DHRS7B: variants seen among roughly 807,000 people sequenced by gnomAD.
The protein encoded by DHRS7B is dehydrogenase/reductase 7B.
In DHRS7B, 24 loss-of-function variants were observed where a neutral mutation model predicts 26.4. The ratio of observed to expected loss-of-function variants is 0.91; its 90% confidence interval spans 0.66 to 1.28. The LOEUF (loss-of-function observed/expected upper bound fraction) is 1.28, where lower values mean the gene tolerates loss of function less well. DHRS7B is among the 50% of genes most tolerant of loss of function. DHRS7B has a pLI of 0.00. For missense variants in DHRS7B, 368 were observed against 419.4 expected (o/e 0.88, Z 1.07); for synonymous variants, 142 against 166.4 (o/e 0.85, Z 1.13).
chr17:21,191,156 C>T lies in DHRS7B; in HGVS notation c.*3C>T. 1 of 1,613,084 alleles carries T rather than the reference C, an allele frequency of 6.2e-7. No individual in the cohort carries two copies. On this transcript the variant is annotated 3_prime_UTR_variant, in exon 7 of 7. Coordinates refer to ENST00000395511, the MANE Select transcript of DHRS7B (RefSeq NM_015510.5). ...AGCGGAAATCCAAGAACTCCTAGTA[C>T]TCTGACCAGCCAGGGCCAGGGCAGA...
intron 1 of DHRS7B, among the ~76,000 whole-genome samples, chr17:21,145,121 G>A (rs535786329): frequency 1.3e-5 from 2 of 152,052 alleles, no homozygotes; most frequent in South Asian, 2.1e-4. Flanking sequence ...TCAGGAGATT[G>A]AGACCATCCT....
At chr17:21,141,079 T>TGATC (rs1191226768) in intron 1 of DHRS7B, among the ~76,000 whole-genome samples, 1 of 152,010 alleles carries the variant, frequency 6.6e-6, no homozygotes, top group Non-Finnish European at 1.5e-5. Context: ...GAACACTGGG[T>TGATC]GATCAGTCCT....
chr17:21,158,426 G>A (rs1482860296), intron 1 of DHRS7B, among the ~76,000 whole-genome samples: 1 of 152,130 alleles, frequency 6.6e-6, no homozygotes, highest in Non-Finnish European at 1.5e-5. Flanking sequence ...CAGGATACAA[G>A]GTTAATGTAT....
chr17:21,174,743 T>C (rs1019815466), intron 2 of DHRS7B, among the ~76,000 whole-genome samples: 1 of 152,216 alleles, frequency 6.6e-6, no homozygotes, highest in African/African-American at 2.4e-5. Flanking sequence ...AAATGTCCTA[T>C]GTATTGGTCA....
intron 1 of DHRS7B, among the ~76,000 whole-genome samples, chr17:21,160,509 T>G (rs948485942): frequency 6.6e-5 from 10 of 152,176 alleles, no homozygotes; most frequent in Non-Finnish European, 1.3e-4. Context: ...GAAATGCAAA[T>G]TAAAATGACA....
At chr17:21,173,353 C>T (rs562794333) in intron 2 of DHRS7B, among the ~76,000 whole-genome samples, 2 of 152,332 alleles carry the variant, frequency 1.3e-5, no homozygotes, top group South Asian at 4.1e-4. Context: ...CTAGGACTTC[C>T]AGCCAGAAGG....
chr17:21,177,250 C>T (rs911783114), intron 2 of DHRS7B, among the ~76,000 whole-genome samples: 4 of 152,154 alleles, frequency 2.6e-5, no homozygotes, highest in African/African-American at 7.2e-5. Context: ...CACCCAGGCA[C>T]GTGAGAGCAC....
intron 1 of DHRS7B, among the ~76,000 whole-genome samples, chr17:21,131,158 A>G (rs1194022179): frequency 3.3e-5 from 5 of 152,272 alleles, no homozygotes; most frequent in Non-Finnish European, 4.4e-5. Context: ...AGGCCAATCC[A>G]TAGAGAAAAG....
intron 2 of DHRS7B, among the ~76,000 whole-genome samples, chr17:21,174,137 G>C (rs1475973432): frequency 2.6e-5 from 4 of 152,248 alleles, no homozygotes; most frequent in Admixed American, 6.5e-5. Flanking sequence ...AGCCACTGTT[G>C]ATGCCACCAA....
At position 21,188,821 on chromosome 17, in the gene DHRS7B, C is replaced by T. The variant is rs757923245; in HGVS notation, c.730C>T (p.Leu244Phe). Residue 244 changes from leucine to phenylalanine, a missense_variant, in exon 6 of 7, where the codon CTC becomes TTC. Coordinates refer to ENST00000395511, the MANE Select transcript of DHRS7B (RefSeq NM_015510.5). ...CAGCCCCGGCTACATCCACACCAACCTCTCTGTAAATGCCATCACCGCGGA... is the reference window on the plus strand; with the variant it reads ...CAGCCCCGGCTACATCCACACCAACTTCTCTGTAAATGCCATCACCGCGGA... ...VISPGYIHTNLSVNAITADGS... is the reference protein window; with the variant it reads ...VISPGYIHTNFSVNAITADGS... The T allele has an allele frequency of 5.6e-6, 9 of 1,614,188 alleles. No homozygotes were observed. Among genetic ancestry groups the T allele is most frequent in the Non-Finnish European group, 7.6e-6 (9 of 1,180,030 alleles).
At chr17:21,165,092 C>T (rs1250602277) in intron 1 of DHRS7B, among the ~76,000 whole-genome samples, 2 of 152,188 alleles carry the variant, frequency 1.3e-5, no homozygotes, top group East Asian at 3.8e-4. Flanking sequence ...GAGCGATCAT[C>T]CCCATTCTGA....
At chr17:21,134,310 A>T (rs947705795) in intron 1 of DHRS7B, among the ~76,000 whole-genome samples, 4 of 152,116 alleles carry the variant, frequency 2.6e-5, no homozygotes, top group African/African-American at 9.7e-5. Context: ...ACACTTTTAA[A>T]TTGCTTTGAT....
intron 1 of DHRS7B, among the ~76,000 whole-genome samples, chr17:21,168,000 G>A (rs1245539922): frequency 6.6e-6 from 1 of 152,164 alleles, no homozygotes; most frequent in African/African-American, 2.4e-5. Context: ...CTTCCACTGT[G>A]AAGCTGTCCT....
chr17:21,178,311 T>A lies in DHRS7B; in HGVS notation c.278T>A (p.Ile93Asn). Residue 93 changes from isoleucine to asparagine, a missense_variant, in exon 3 of 7, where the codon ATC becomes AAC. Ile to Asn is a moderately radical substitution (Grantham distance 149). Coordinates refer to ENST00000395511, the MANE Select transcript of DHRS7B (RefSeq NM_015510.5). The part of the protein sequence containing the change: ...GRNGGALEEL[I>N]RELTASHATK... ...AATGGTGGGGCCCTAGAAGAGCTCATCAGAGAACTCACCGCTTCTCATGCC... is the reference window on the plus strand; with the variant it reads ...AATGGTGGGGCCCTAGAAGAGCTCAACAGAGAACTCACCGCTTCTCATGCC... 1 of 1,614,136 alleles carries A rather than the reference T, an allele frequency of 6.2e-7. No homozygotes were observed. The highest frequency in any genetic ancestry group is 8.5e-7 in the Non-Finnish European group (1 of 1,180,036).
intron 1 of DHRS7B, among the ~76,000 whole-genome samples, chr17:21,130,797 A>C (rs781111079): frequency 2.0e-5 from 3 of 152,216 alleles, no homozygotes; most frequent in Non-Finnish European, 4.4e-5. Flanking sequence ...TTCCCACCCC[A>C]TTATACACAT....
chr17:21,188,325 ATATAATT>A (rs1320037013), intron 5 of DHRS7B, among the ~76,000 whole-genome samples: 2 of 152,308 alleles, frequency 1.3e-5, no homozygotes, highest in East Asian at 3.9e-4. Context: ...CTATATGTGT[ATATAATT>A]TATAATTTTT....
chr17:21,182,715 A>T (rs1974541055), intron 3 of DHRS7B, among the ~76,000 whole-genome samples: 1 of 152,138 alleles, frequency 6.6e-6, no homozygotes, highest in Admixed American at 6.5e-5. Flanking sequence ...TGTTGAACCA[A>T]CTTTGCTTGC....
At chr17:21,153,545 A>G (rs760129611) in intron 1 of DHRS7B, among the ~76,000 whole-genome samples, 9 of 152,258 alleles carry the variant, frequency 5.9e-5, no homozygotes, top group African/African-American at 4.8e-5. Context: ...AAGGAAGTTC[A>G]GAGAACACCA....
intron 1 of DHRS7B, 95 bp downstream of exon 1, chr17:21,127,086 T>C (rs1182601520): frequency 6.7e-6 from 9 of 1,351,842 alleles, no homozygotes; most frequent in Non-Finnish European, 6.8e-6. Context: ...GGAAGCGGTG[T>C]AGTGGTCGAG....
Sources: allele counts gnomAD v4.1 joint callset (sites outside exome capture counted in the v4.1 genomes callset), GRCh38; gene constraint gnomAD v4.1.1; transcripts MANE v1.5; gene names NCBI Gene and HGNC (gene_info 2026-07-23, HGNC 2026-07-21).